The following PARP4 variants were observed in gnomAD, a reference collection of about 807,000 sequenced individuals.
The protein encoded by PARP4 is poly(ADP-ribose) polymerase family member 4.
Under a neutral mutation model 187.7 loss-of-function variants are expected in PARP4, and 120 were observed. That is an observed-to-expected ratio of 0.64 (90% CI 0.55 to 0.74). The LOEUF is 0.74. PARP4 is among the 30% of genes least tolerant of loss of function. The probability of loss-of-function intolerance (pLI) is 0.00; values close to 1 mark genes in which losing one functional copy is unlikely to be tolerated. For missense variants in PARP4, 1,836 were observed against 2,070.5 expected, an observed-to-expected ratio of 0.89 and a Z score of 2.20; for synonymous variants, 654 against 740.9, an observed-to-expected ratio of 0.88 and a Z score of 1.90.
chr13:24,425,995 A>G (rs1356130411), intron 33 of PARP4, among the ~76,000 whole-genome samples: 1 of 152,170 alleles, frequency 6.6e-6, no homozygotes, highest in Non-Finnish European at 1.5e-5. Context: ...CCAAGGGAGG[A>G]GATTAGAACA....
At chr13:24,510,213 C>T (rs1035389699) in intron 1 of PARP4, among the ~76,000 whole-genome samples, 2 of 152,232 alleles carry the variant, frequency 1.3e-5, no homozygotes, top group South Asian at 2.1e-4. Flanking sequence ...ATAAGCTTTG[C>T]GTTTATTTCA....
At chr13:24,503,372 A>G (rs1157443674) in intron 2 of PARP4, among the ~76,000 whole-genome samples, 1 of 152,060 alleles carries the variant, frequency 6.6e-6, no homozygotes, top group Non-Finnish European at 1.5e-5. Flanking sequence ...CTGAAATTCT[A>G]TTTTCATATT....
At chr13:24,436,431 G>A (rs957669961) in intron 30 of PARP4, among the ~76,000 whole-genome samples, 5 of 152,082 alleles carry the variant, frequency 3.3e-5, no homozygotes, top group African/African-American at 1.2e-4. Context: ...AGACTCCCCA[G>A]TAGCTGGGAC....
chr13:24,446,014 AT>A (rs1871190360), intron 27 of PARP4, among the ~76,000 whole-genome samples: 1 of 152,152 alleles, frequency 6.6e-6, no homozygotes, highest in African/African-American at 2.4e-5. Flanking sequence ...GGAAACAGGA[AT>A]TTTTTCTTTC....
At position 24,471,612 on chromosome 13, in the gene PARP4, C is replaced by T. The variant is rs1872732943; in HGVS notation, c.1915-1587G>A. Among the ~76,000 whole-genome samples the T allele has an allele frequency of 2.0e-5, 3 of 152,136 alleles. No homozygotes were observed. In the South Asian group the frequency reaches 6.2e-4, roughly 32 times the overall value. On this transcript the variant is annotated intron_variant, in intron 15 of 33. Transcript: ENST00000381989. ...CACATATAAGAATCTACACCCCAGC[C>T]TCTGCTTGGATACTCAAGCTAAATC...
intron 31 of PARP4, among the ~76,000 whole-genome samples, chr13:24,433,999 G>A (rs1443717642): frequency 6.6e-6 from 1 of 152,102 alleles, no homozygotes; most frequent in African/African-American, 2.4e-5. Context: ...TAGAGTACAG[G>A]TACAAGTGCT....
chr13:24,489,677 T>C (rs1040397578), intron 10 of PARP4, among the ~76,000 whole-genome samples: 11 of 152,070 alleles, frequency 7.2e-5, no homozygotes. Context: ...GAAGTGGTTT[T>C]GGGAATGGAT....
intron 24 of PARP4, among the ~76,000 whole-genome samples, chr13:24,450,750 C>G (rs867448704): frequency 3.9e-4 from 59 of 152,310 alleles, no homozygotes; most frequent in African/African-American, 1.4e-3. Flanking sequence ...CCCAAAAACT[C>G]GACAGAAAAG....
intron 14 of PARP4, among the ~76,000 whole-genome samples, chr13:24,476,490 G>A (rs1282945591): frequency 1.3e-5 from 2 of 152,098 alleles, no homozygotes; most frequent in Non-Finnish European, 2.9e-5. Flanking sequence ...ATCAAACAAC[G>A]TAGATTTTCA....
intron 30 of PARP4, among the ~76,000 whole-genome samples, chr13:24,440,997 G>C (rs1257227711): frequency 6.6e-6 from 1 of 152,068 alleles, no homozygotes; most frequent in African/African-American, 2.4e-5. Flanking sequence ...ACAGCCTCTT[G>C]AGTAGCTGGG....
At chr13:24,463,342 G>A (rs1872301458) in intron 17 of PARP4, among the ~76,000 whole-genome samples, 1 of 152,068 alleles carries the variant, frequency 6.6e-6, no homozygotes, top group East Asian at 1.9e-4. Context: ...AAAGAGGAAT[G>A]CACTCTTTGC....
At chr13:24,501,557 C>A (rs370640966) in intron 3 of PARP4, 76 bp downstream of exon 3, 1 of 937,420 alleles carries the variant, frequency 1.1e-6, no homozygotes, top group East Asian at 2.4e-5. Flanking sequence ...AATTCTCTGC[C>A]TATGGTATCT....
intron 7 of PARP4, 84 bp from the exon 8 acceptor site, chr13:24,493,817 G>T: frequency 1.5e-6 from 2 of 1,349,854 alleles, no homozygotes; most frequent in Non-Finnish European, 2.1e-6. Context: ...GAACAGAGGT[G>T]TGAGGAGAAA....
chr13:24,503,040 G>A (rs930313613), intron 2 of PARP4, among the ~76,000 whole-genome samples: 4 of 152,216 alleles, frequency 2.6e-5, no homozygotes, highest in Non-Finnish European at 5.9e-5. Flanking sequence ...TATTTTTACA[G>A]TGAGGTGGTT....
intron 10 of PARP4, among the ~76,000 whole-genome samples, chr13:24,487,894 A>T (rs61948877): frequency 3.3e-5 from 5 of 151,856 alleles, no homozygotes; most frequent in Non-Finnish European, 7.4e-5. Context: ...ATATTATCTC[A>T]GGGTTGTCTT....
chr13:24,426,570 G>C lies in PARP4; in HGVS notation c.4875C>G (p.Asp1625Glu). ...LGVKGRECLLDLIATMLVLQF... is the reference protein window; with the variant it reads ...LGVKGRECLLELIATMLVLQF... ...GTAGTACCAGCATTGTGGCAATTAGGTCCAGGAGACATTCTCTTCCTTTTA... is the reference window on the plus strand; with the variant it reads ...GTAGTACCAGCATTGTGGCAATTAGCTCCAGGAGACATTCTCTTCCTTTTA... Residue 1625 changes from aspartate (D) to glutamate (E), a missense_variant, in exon 33 of 34, where the codon GAC becomes GAG. Asp to Glu is a conservative substitution (Grantham distance 45, BLOSUM62 2). This residue lies in a region of PARP4 where 45 missense variants were observed against 53.1 expected (regional missense o/e 0.85). Coordinates refer to ENST00000381989, the MANE Select transcript of PARP4 (RefSeq NM_006437.4). 6.2e-7 allele frequency: 1 copy of C among 1,612,502 alleles called. No individual in the cohort carries two copies. Among genetic ancestry groups the C allele is most frequent in the South Asian group, 1.1e-5 (1 of 90,962 alleles).
At chr13:24,506,137 C>A (rs1171135531) in intron 1 of PARP4, among the ~76,000 whole-genome samples, 2 of 152,132 alleles carry the variant, frequency 1.3e-5, no homozygotes, top group Non-Finnish European at 2.9e-5. Flanking sequence ...GGCGGCGCGT[C>A]CGAAGTTTGT....
At chr13:24,454,526 C>T (rs903051344) in intron 22 of PARP4, among the ~76,000 whole-genome samples, 1 of 152,164 alleles carries the variant, frequency 6.6e-6, no homozygotes, top group East Asian at 1.9e-4. Flanking sequence ...AGTGCTGGCC[C>T]GATACTTCCT....
At chr13:24,475,392 G>A (rs1872933618) in intron 15 of PARP4, 80 bp downstream of exon 15, 1 of 1,318,554 alleles carries the variant, frequency 7.6e-7, no homozygotes, top group African/African-American at 1.5e-5. Flanking sequence ...ATTCCCTTCA[G>A]TTCATGCAAC....
Sources: gnomAD v4.1 joint callset for allele counts (sites outside exome capture counted in the v4.1 genomes callset) on GRCh38, gnomAD v4.1.1 for gene constraint, gnomAD v4.1.1 regional missense constraint, MANE v1.5 for transcripts, NCBI Gene and HGNC (gene_info 2026-07-23, HGNC 2026-07-21) for gene names.